Variants in ACTL8 observed in about 807,000 individuals in gnomAD.
The protein encoded by ACTL8 is actin-like protein 8.
In ACTL8, 3 loss-of-function variants were observed where a neutral mutation model predicts 9.3. The ratio of observed to expected loss-of-function variants is 0.32; its 90% CI spans 0.15 to 0.83. The LOEUF (loss-of-function observed/expected upper bound fraction) is 0.83, where lower values mean the gene tolerates loss of function less well. Among genes scored for constraint, ACTL8 ranks in the 40% least tolerant of loss-of-function variants. The pLI is 0.57. For missense variants in ACTL8, 381 were observed against 492.2 expected (o/e 0.77, Z 2.14); for synonymous variants, 224 against 205.9 (o/e 1.09, Z -0.75).
Position 17,826,599 on chromosome 1 carries a change from G to T in ACTL8, c.*80G>T. ...AATTTTAGCAAAATGTTCTGGGTGGGGGTAGAATGAGGTGGGGTGGGGTGA... is the reference window on the plus strand; with the variant it reads ...AATTTTAGCAAAATGTTCTGGGTGGTGGTAGAATGAGGTGGGGTGGGGTGA... On this transcript the variant is annotated 3_prime_UTR_variant, in exon 3 of 3. Coordinates refer to ENST00000375406, the MANE Select transcript of ACTL8 (RefSeq NM_030812.3). This position sits in a 1 kb window ranked among gnomAD's most constrained non-coding sequence, Gnocchi z 4.5. The T allele has an allele frequency of 1.4e-6, 2 of 1,397,590 alleles. No homozygotes were observed. Among genetic ancestry groups the T allele is most frequent in the Non-Finnish European group, 9.5e-7 (1 of 1,056,366 alleles). The allele number at this position is 1,397,590 out of a possible 1,614,324, so 86.6% of individuals were successfully genotyped here. A position where few individuals can be genotyped will look rare whatever the true frequency, so the allele number is the denominator to read the frequency against.
intron 2 of ACTL8, 115 bp from the exon 3 acceptor site, chr1:17,825,652 A>C (rs1025403893): frequency 7.3e-7 from 1 of 1,361,728 alleles, no homozygotes; most frequent in African/African-American, 1.5e-5. Context: ...CCCTGGGCGC[A>C]GCATCCTGGG....
rs16830732 is a variant in ACTL8 at position 17,767,804 on chromosome 1, C to G, written c.-25+12300C>G. Among the ~76,000 whole-genome samples, 2,289 of 152,260 alleles carry G rather than the reference C, an allele frequency of 0.015. 70 individuals are homozygous for G. The highest frequency in any genetic ancestry group is 0.052 in the African/African-American group (2,144 of 41,534). On this transcript the variant is annotated intron_variant, in intron 1 of 2. Transcript: ENST00000375406. The surrounding 1 kb of genome is among the most constrained non-coding windows in gnomAD (Gnocchi z 4.7). ...AATGTCCCTGCTTGGCTTCTCGGCT[C>G]AGTCTGATGCCGTGACTGCTGACAC...
intron 1 of ACTL8, among the ~76,000 whole-genome samples, chr1:17,769,586 G>T (rs1405991586): frequency 6.6e-6 from 1 of 152,158 alleles, no homozygotes; most frequent in East Asian, 1.9e-4. Flanking sequence ...CCAGTAAAAA[G>T]GGGGTGGTGG....
chr1:17,791,077 G>GTGGC (rs1430231406), intron 1 of ACTL8, among the ~76,000 whole-genome samples: 1 of 152,196 alleles, frequency 6.6e-6, no homozygotes, highest in Non-Finnish European at 1.5e-5. Flanking sequence ...AGATGACTGG[G>GTGGC]TGGCTGCAGC....
chr1:17,760,691 C>T (rs2065994560), intron 1 of ACTL8, among the ~76,000 whole-genome samples: 1 of 151,222 alleles, frequency 6.6e-6, no homozygotes, highest in Non-Finnish European at 1.5e-5. Context: ...CAGTGCTGGG[C>T]ACTTTCTGAT....
intron 1 of ACTL8, among the ~76,000 whole-genome samples, chr1:17,772,047 C>T (rs545140749): frequency 6.6e-5 from 10 of 152,258 alleles, no homozygotes; most frequent in South Asian, 4.2e-4. Context: ...CAGGATGCAG[C>T]GCTAACCTTC....
chr1:17,806,214 G>T (rs1328523815), intron 1 of ACTL8, among the ~76,000 whole-genome samples: 2 of 152,156 alleles, frequency 1.3e-5, no homozygotes, highest in Non-Finnish European at 2.9e-5. Flanking sequence ...AGTTCAGAAC[G>T]ACTGGTTAGT....
intron 1 of ACTL8, among the ~76,000 whole-genome samples, chr1:17,756,174 C>T (rs2065968176): frequency 2.0e-5 from 3 of 152,002 alleles, no homozygotes; most frequent in South Asian, 2.1e-4. Context: ...GGGAGCTCTT[C>T]TTTGGGGCTC....
chr1:17,773,749 A>C (rs1239059568), intron 1 of ACTL8, among the ~76,000 whole-genome samples: 1 of 152,250 alleles, frequency 6.6e-6, no homozygotes, highest in Non-Finnish European at 1.5e-5. Flanking sequence ...GGTCTCTCTC[A>C]CAGGCCTAAT....
chr1:17,795,150 A>G (rs2066267874), intron 1 of ACTL8, among the ~76,000 whole-genome samples: 1 of 152,234 alleles, frequency 6.6e-6, no homozygotes, highest in South Asian at 2.1e-4. Flanking sequence ...GCTGTGTAAT[A>G]GCTTCCATTC....
intron 1 of ACTL8, among the ~76,000 whole-genome samples, chr1:17,803,278 T>C (rs1488080790): frequency 6.6e-6 from 1 of 152,190 alleles, no homozygotes; most frequent in Non-Finnish European, 1.5e-5. Context: ...TCCACCATGA[T>C]TGTAAGTTCC....
intron 1 of ACTL8, among the ~76,000 whole-genome samples, chr1:17,789,535 C>G (rs553953889): frequency 6.6e-6 from 1 of 152,246 alleles, no homozygotes; most frequent in African/African-American, 2.4e-5. Context: ...TTGGTGGTGT[C>G]CCCAGCACTT....
At chr1:17,804,103 A>G (rs987738466) in intron 1 of ACTL8, among the ~76,000 whole-genome samples, 20 of 152,176 alleles carry the variant, frequency 1.3e-4, no homozygotes, top group African/African-American at 4.6e-4. Flanking sequence ...ATGCTTCAGG[A>G]GCAGTTTGAT....
chr1:17,764,825 G>A (rs370094342), intron 1 of ACTL8, among the ~76,000 whole-genome samples: 5 of 152,278 alleles, frequency 3.3e-5, no homozygotes, highest in African/African-American at 9.6e-5. Context: ...ACAGGCTGCA[G>A]TGTCTCCCTT....
At chr1:17,759,383 G>A (rs1290005632) in intron 1 of ACTL8, among the ~76,000 whole-genome samples, 1 of 152,256 alleles carries the variant, frequency 6.6e-6, no homozygotes, top group Non-Finnish European at 1.5e-5. Context: ...GCCGTGCTCA[G>A]CAGAGGCCAG....
chr1:17,790,025 G>C (rs551643428), intron 1 of ACTL8, among the ~76,000 whole-genome samples: 1 of 152,306 alleles, frequency 6.6e-6, no homozygotes, highest in East Asian at 1.9e-4. Flanking sequence ...GAGCAAGCGT[G>C]GTGTGTGGCC....
Position 17,826,058 on chromosome 1 carries a change from G to A in ACTL8, c.640G>A (p.Val214Met), listed in dbSNP as rs1165059846. The change falls in exon 3 of 3, where the codon GTG becomes ATG. Residue 214 changes from valine (V) to methionine (M), a missense_variant. This residue lies in a region of ACTL8 where 243 missense variants were observed against 276.2 expected (regional missense o/e 0.88). Coordinates refer to ENST00000375406, the MANE Select transcript of ACTL8 (RefSeq NM_030812.3). This position sits in a 1 kb window ranked among gnomAD's most constrained non-coding sequence, Gnocchi z 4.5. ...CGTGACTCAGATGAACAAGTGCTAC[G>A]TGCCGCAGAATCTGGGGGAGGCCCT... Reference protein sequence around the residue: ...VAVTQMNKCYVPQNLGEALDF... With the variant: ...VAVTQMNKCYMPQNLGEALDF... The A allele has an allele frequency of 1.9e-6, 3 of 1,607,014 alleles. No individual in the cohort carries two copies. Among genetic ancestry groups the A allele is most frequent in the Non-Finnish European group, 2.5e-6 (3 of 1,179,998 alleles).
intron 1 of ACTL8, among the ~76,000 whole-genome samples, chr1:17,804,999 G>C (rs1336616197): frequency 6.6e-6 from 1 of 152,098 alleles, no homozygotes; most frequent in Non-Finnish European, 1.5e-5. Context: ...TCTCTGCTCA[G>C]AAACCTTCAG....
chr1:17,801,997 C>T (rs978749429), intron 1 of ACTL8, among the ~76,000 whole-genome samples: 10 of 152,096 alleles, frequency 6.6e-5, no homozygotes, highest in African/African-American at 2.2e-4. Flanking sequence ...CTGTTGTGAA[C>T]GCTGTTCTAA....
Sources: allele counts gnomAD v4.1 joint callset (sites outside exome capture counted in the v4.1 genomes callset), GRCh38; gene constraint gnomAD v4.1.1; regional missense constraint gnomAD v4.1.1; non-coding constraint Gnocchi (gnomAD v3.1); transcripts MANE v1.5; gene names NCBI Gene and HGNC (gene_info 2026-07-23, HGNC 2026-07-21).